The following NEDD4L variants were observed in gnomAD, a reference collection of about 807,000 sequenced individuals.
NEDD4L encodes the protein E3 ubiquitin-protein ligase NEDD4-like.
A neutral mutation model predicts 148.9 loss-of-function variants in NEDD4L; 54 were observed. The ratio of observed to expected loss-of-function variants is 0.36; its 90% CI spans 0.29 to 0.45. NEDD4L has a LOEUF of 0.45. Ranked by LOEUF, NEDD4L falls within the 20% of genes least tolerant of loss-of-function variation. NEDD4L has a pLI of 1.00. For missense variants in NEDD4L, 856 were observed against 1,233.8 expected, an observed-to-expected ratio of 0.69 and a Z score of 4.59; for synonymous variants, 433 against 440.7, an observed-to-expected ratio of 0.98 and a Z score of 0.22.
chr18:58,111,354 C>G (rs2085407777), intron 1 of NEDD4L, among the ~76,000 whole-genome samples: 1 of 152,090 alleles, frequency 6.6e-6, no homozygotes, highest in Non-Finnish European at 1.5e-5. Context: ...AGGTGTGAGC[C>G]ACTGTGCCTG....
chr18:58,236,109 C>T (rs1469737509), intron 2 of NEDD4L, among the ~76,000 whole-genome samples: 1 of 152,086 alleles, frequency 6.6e-6, no homozygotes, highest in African/African-American at 2.4e-5. Flanking sequence ...GTAATCCCAG[C>T]AGTTTGGGAG....
chr18:58,313,276 T>A (rs913957286), intron 5 of NEDD4L, among the ~76,000 whole-genome samples: 1 of 152,250 alleles, frequency 6.6e-6, no homozygotes, highest in African/African-American at 2.4e-5. Flanking sequence ...AACATTTTTT[T>A]AACATCATGA....
At chr18:58,199,711 G>T (rs2041182502) in intron 2 of NEDD4L, among the ~76,000 whole-genome samples, 1 of 152,156 alleles carries the variant, frequency 6.6e-6, no homozygotes, top group Non-Finnish European at 1.5e-5. Flanking sequence ...TTTAGCTAAG[G>T]ATGCCTTGAG....
At chr18:58,389,855 G>T (rs986948608) in intron 28 of NEDD4L, among the ~76,000 whole-genome samples, 5 of 152,018 alleles carry the variant, frequency 3.3e-5, no homozygotes, top group Admixed American at 2.6e-4. Flanking sequence ...TTATTTTAAA[G>T]ATGGGGTCTC....
In NEDD4L at chr18:58,097,982, T is replaced by C. The variant is rs140645244; in HGVS notation, c.48+53274T>C. Among the ~76,000 whole-genome samples, 50 of 152,284 alleles carry C rather than the reference T, an allele frequency of 3.3e-4. No homozygotes were observed. In the East Asian group the frequency reaches 9.5e-3, roughly 29 times the overall value. ...AGGTCAAGGCTACAGTGAGCCATGA[T>C]CACGCCATTGCACTGCAGCCTGCGC... On this transcript the variant is annotated intron_variant, in intron 1 of 30. Coordinates refer to ENST00000400345, the MANE Select transcript of NEDD4L (RefSeq NM_001144967.3).
chr18:58,067,229 C>A (rs2082643806), intron 1 of NEDD4L, among the ~76,000 whole-genome samples: 1 of 152,006 alleles, frequency 6.6e-6, no homozygotes, highest in Non-Finnish European at 1.5e-5. Flanking sequence ...AGAATGCAGT[C>A]CTAGTTTAAA....
chr18:58,255,393 A>T, intron 5 of NEDD4L: 2 of 637,124 alleles, frequency 3.1e-6, no homozygotes. Context: ...GAGCGCGGTC[A>T]TGTGGTTCTG....
Position 58,397,984 on chromosome 18 carries a change from C to CAAGAAA in NEDD4L, c.*1715_*1716insAAGAAA, listed in dbSNP as rs2050600421. The CAAGAAA allele has an allele frequency of 6.6e-6, 1 of 151,938 alleles. No individual in the cohort carries two copies. Among genetic ancestry groups the CAAGAAA allele is most frequent in the Non-Finnish European group, 1.5e-5 (1 of 67,962 alleles). 9.4% of individuals were successfully genotyped at this position (151,938 alleles called of 1,614,324 possible). A position where few individuals can be genotyped will look rare whatever the true frequency, so the allele number is the denominator to read the frequency against. On this transcript the variant is annotated 3_prime_UTR_variant, in exon 31 of 31. Transcript: ENST00000400345. Reference sequence around the variant, plus strand: ...AATTGCCGTTTTTACCCTGCCCTGGCTGGCATGTGAGAAGCCATGGAAGGT... The same window carrying CAAGAAA: ...AATTGCCGTTTTTACCCTGCCCTGGCAAGAAATGGCATGTGAGAAGCCATGGAAGGT...
intron 1 of NEDD4L, among the ~76,000 whole-genome samples, chr18:58,113,197 C>T (rs2085526007): frequency 2.6e-5 from 4 of 152,200 alleles, no homozygotes; most frequent in Admixed American, 2.6e-4. Flanking sequence ...GCAATGCTGA[C>T]CACTCTGTAG....
intron 5 of NEDD4L, among the ~76,000 whole-genome samples, chr18:58,297,791 T>C (rs916797493): frequency 2.0e-5 from 3 of 152,186 alleles, no homozygotes; most frequent in African/African-American, 7.2e-5. Context: ...GTTCTCTTGG[T>C]AAATATCTCT....
intron 24 of NEDD4L, among the ~76,000 whole-genome samples, chr18:58,375,143 A>T (rs534931436): frequency 6.6e-6 from 1 of 150,954 alleles, no homozygotes; most frequent in Non-Finnish European, 1.5e-5. Flanking sequence ...TCCCCTCCTC[A>T]TGCCATCTCC....
At chr18:58,178,899 CAT>C (rs778584947) in intron 2 of NEDD4L, among the ~76,000 whole-genome samples, 15 of 152,232 alleles carry the variant, frequency 9.9e-5, no homozygotes, top group East Asian at 7.7e-4. Flanking sequence ...AGTAGAGAAA[CAT>C]GTGGAAGAAA....
chr18:58,208,633 C>A (rs2042206836), intron 2 of NEDD4L, among the ~76,000 whole-genome samples: 1 of 152,202 alleles, frequency 6.6e-6, no homozygotes, highest in African/African-American at 2.4e-5. Flanking sequence ...CAGAGCCTCT[C>A]ACCCTGGGAG....
chr18:58,310,914 G>T (rs1423573438), intron 5 of NEDD4L, among the ~76,000 whole-genome samples: 1 of 152,176 alleles, frequency 6.6e-6, no homozygotes, highest in African/African-American at 2.4e-5. Context: ...AACATACAAA[G>T]ATCTGATCAT....
At chr18:58,108,483 C>G (rs558719720) in intron 1 of NEDD4L, among the ~76,000 whole-genome samples, 2 of 152,020 alleles carry the variant, frequency 1.3e-5, no homozygotes, top group African/African-American at 4.8e-5. Context: ...TGCAGTGGTG[C>G]GATCTCAGCT....
chr18:58,389,304 T>A (rs1488434204), intron 28 of NEDD4L, 112 bp downstream of exon 28: 1 of 752,824 alleles, frequency 1.3e-6, no homozygotes, highest in Admixed American at 2.6e-5. Flanking sequence ...CTTTGGGGTC[T>A]GTTAGAGCTT....
intron 1 of NEDD4L, among the ~76,000 whole-genome samples, chr18:58,051,132 C>T (rs2081849956): frequency 1.3e-5 from 2 of 152,078 alleles, no homozygotes; most frequent in South Asian, 2.1e-4. Flanking sequence ...GTGGCACGCA[C>T]CTGTGGTCCT....
intron 2 of NEDD4L, chr18:58,195,545 T>C: frequency 7.5e-7 from 1 of 1,340,618 alleles, no homozygotes; most frequent in South Asian, 1.2e-5. Context: ...TGCAGAGCCC[T>C]GTCCACGCGG....
chr18:58,132,652 T>C (rs1320956695), intron 1 of NEDD4L, among the ~76,000 whole-genome samples: 2 of 152,234 alleles, frequency 1.3e-5, no homozygotes, highest in East Asian at 3.8e-4. Context: ...GAATGTATGA[T>C]GCTTGGCAAA....
Sources: allele counts gnomAD v4.1 joint callset (sites outside exome capture counted in the v4.1 genomes callset), GRCh38; gene constraint gnomAD v4.1.1; transcripts MANE v1.5; gene names NCBI Gene and HGNC (gene_info 2026-07-23, HGNC 2026-07-21).